SMARCA4: variants seen among roughly 807,000 people sequenced by gnomAD.
The protein encoded by SMARCA4 is SWI/SNF related BAF chromatin remodeling complex subunit ATPase 4.
A neutral mutation model predicts 193.9 loss-of-function variants in SMARCA4; 31 were observed. That is an observed-to-expected ratio of 0.16 (90% CI 0.12 to 0.22). The LOEUF is 0.22. SMARCA4 is among the 10% of genes least tolerant of loss of function. The probability of loss-of-function intolerance (pLI) is 1.00; values close to 1 mark genes in which losing one functional copy is unlikely to be tolerated. For synonymous variants in SMARCA4, 942 were observed against 933.1 expected (o/e 1.01, Z -0.17); for missense variants, 1,148 against 2,296.0 (o/e 0.50, Z 10.22).
intron 30 of SMARCA4, among the ~76,000 whole-genome samples, chr19:11,057,749 A>G (rs2076625835): frequency 6.6e-6 from 1 of 151,622 alleles, no homozygotes; most frequent in African/African-American, 2.4e-5. Flanking sequence ...AAAACAAAAA[A>G]ATGTATCACA....
In SMARCA4 at chr19:10,984,709, G is replaced by A. The variant is rs1047520400; in HGVS notation, c.222+336G>A. Reference sequence around the variant, plus strand: ...ATCCAAATTCCTAAAAAGGCTTTTAGCCACGTGGTTTCCCCCGTTCTGGCT... The same window carrying A: ...ATCCAAATTCCTAAAAAGGCTTTTAACCACGTGGTTTCCCCCGTTCTGGCT... On this transcript the variant is annotated intron_variant, in intron 2 of 34. Transcript: ENST00000344626. The surrounding 1 kb of genome is among the most constrained non-coding windows in gnomAD (Gnocchi z 4.3). 3.3e-5 allele frequency among the ~76,000 whole-genome samples: 5 copies of A among 152,238 alleles called. No individual in the cohort carries two copies. The highest frequency in any genetic ancestry group is 1.2e-4 in the African/African-American group (5 of 41,450).
At chr19:11,024,901 C>T (rs1350077997) in intron 21 of SMARCA4, among the ~76,000 whole-genome samples, 1 of 152,048 alleles carries the variant, frequency 6.6e-6, no homozygotes, top group Non-Finnish European at 1.5e-5. Flanking sequence ...CTGGCTTCCC[C>T]GAGACGTTGT....
rs750223511 is a variant in SMARCA4 at position 11,019,704 on chromosome 19, A to G, written c.2616+3A>G. On this transcript the variant is annotated splice_donor_region_variant and intron_variant, in intron 18 of 34. Coordinates refer to ENST00000344626, the MANE Select transcript of SMARCA4 (RefSeq NM_003072.5). The surrounding 1 kb of genome is among the most constrained non-coding windows in gnomAD (Gnocchi z 6.1). ...AAGACAAGCACATCCTCGCCAAGGT[A>G]ACGTGTCCCTGTGGGAAATGCCAGG... 2 of 1,604,906 alleles carry G rather than the reference A, an allele frequency of 1.2e-6. No individual in the cohort carries two copies. Among genetic ancestry groups the G allele is most frequent in the Non-Finnish European group, 1.7e-6 (2 of 1,172,136 alleles).
rs371142797 is a variant in SMARCA4, at chr19:11,010,336, G to A, written c.2124-45G>A. The stretch of plus-strand genomic sequence containing the variant: ...TGTCAGGAGCCAGCACATTGTCACA[G>A]ATAGGAATGTGTGTCCTTACCCGGC... On this transcript the variant is annotated intron_variant, in intron 14 of 34. Transcript: ENST00000344626. 3.3e-5 allele frequency: 53 copies of A among 1,607,790 alleles called. No homozygotes were observed. The East Asian group carries it at 7.1e-4, about 22-fold the overall frequency.
Position 11,033,174 on chromosome 19 carries a change from A to G in SMARCA4, c.3547-116A>G. 2.5e-6 allele frequency: 2 copies of G among 813,322 alleles called. No homozygotes were observed. Among genetic ancestry groups the G allele is most frequent in the South Asian group, 2.8e-5 (2 of 72,228 alleles). The allele number at this position is 813,322 out of a possible 1,614,324, so 50.4% of individuals were successfully genotyped here. On this transcript the variant is annotated intron_variant, in intron 25 of 34. Transcript: ENST00000344626. This position sits in a 1 kb window ranked among gnomAD's most constrained non-coding sequence, Gnocchi z 9.8. ...TGCGGCGGCAGGTCAGGCTGGGCAGAATTGTCAGGCCGAGGGTGGCACGCA... is the reference window on the plus strand; with the variant it reads ...TGCGGCGGCAGGTCAGGCTGGGCAGGATTGTCAGGCCGAGGGTGGCACGCA...
chr19:10,967,996 C>T (rs2084371447), intron 1 of SMARCA4, among the ~76,000 whole-genome samples: 1 of 152,072 alleles, frequency 6.6e-6, no homozygotes, highest in South Asian at 2.1e-4. Flanking sequence ...CCTGCCTCAG[C>T]CTCCCGAGTA....
intron 30 of SMARCA4, among the ~76,000 whole-genome samples, chr19:11,046,201 C>T (rs1311744687): frequency 9.4e-5 from 14 of 149,254 alleles, no homozygotes; most frequent in Non-Finnish European, 1.6e-4. Flanking sequence ...CCAGCCTGGG[C>T]GACAGAGCGA....
At chr19:11,049,013 C>T (rs1797962387) in intron 30 of SMARCA4, among the ~76,000 whole-genome samples, 1 of 152,148 alleles carries the variant, frequency 6.6e-6, no homozygotes, top group Non-Finnish European at 1.5e-5. Context: ...TCAGGGGCCA[C>T]AGTAGGAACA....
intron 30 of SMARCA4, among the ~76,000 whole-genome samples, chr19:11,057,081 C>T (rs961101031): frequency 5.9e-5 from 9 of 152,250 alleles, no homozygotes; most frequent in Admixed American, 6.5e-5. Flanking sequence ...CTCCTCCTTC[C>T]CATCAGGCCC....
chr19:11,042,967 C>T (rs188833707), intron 30 of SMARCA4, among the ~76,000 whole-genome samples: 27 of 152,084 alleles, frequency 1.8e-4, no homozygotes, highest in African/African-American at 3.4e-4. Flanking sequence ...CAGAGCAAGA[C>T]GCCCACTCCA....
chr19:11,019,450 G>T lies in SMARCA4; in HGVS notation c.2506-141G>T, dbSNP rs988108087. Reference sequence around the variant, plus strand: ...GGTCTGGGGACGCGCCAGCGGCCCTGCCAGCCCCTTTCCCCACTACCCCTG... The same window carrying T: ...GGTCTGGGGACGCGCCAGCGGCCCTTCCAGCCCCTTTCCCCACTACCCCTG... On this transcript the variant is annotated intron_variant, in intron 17 of 34. Transcript: ENST00000344626. This position sits in a 1 kb window ranked among gnomAD's most constrained non-coding sequence, Gnocchi z 6.1. 29 of 668,476 alleles carry T rather than the reference G, an allele frequency of 4.3e-5. No homozygotes were observed. Among genetic ancestry groups the T allele is most frequent in the Non-Finnish European group, 7.9e-5 (29 of 367,308 alleles). 41.4% of individuals were successfully genotyped at this position (668,476 alleles called of 1,614,324 possible).
At chr19:10,998,976 C>T (rs1019386935) in intron 11 of SMARCA4, among the ~76,000 whole-genome samples, 1 of 151,614 alleles carries the variant, frequency 6.6e-6, no homozygotes, top group East Asian at 1.9e-4. Flanking sequence ...AATCATGGCT[C>T]CCTGTAGTCT....
rs1193104842 is a variant in SMARCA4 at position 11,033,927 on chromosome 19, A to T, written c.3873+62A>T. On this transcript the variant is annotated intron_variant, in intron 27 of 34. Coordinates refer to ENST00000344626, the MANE Select transcript of SMARCA4 (RefSeq NM_003072.5). This position sits in a 1 kb window ranked among gnomAD's most constrained non-coding sequence, Gnocchi z 9.8. The stretch of plus-strand genomic sequence containing the variant: ...CCTCGGCTTCTCGGCTGAGACGGCC[A>T]GCAAGGGCCCTGGTCCCACGGAGCG... The T allele has an allele frequency of 2.6e-6, 2 of 758,510 alleles. No individual in the cohort carries two copies. Among genetic ancestry groups the T allele is most frequent in the African/African-American group, 3.4e-5 (2 of 58,816 alleles). 47.0% of individuals were successfully genotyped at this position (758,510 alleles called of 1,614,324 possible). A position where few individuals can be genotyped will look rare whatever the true frequency, so the allele number is the denominator to read the frequency against.
intron 1 of SMARCA4, among the ~76,000 whole-genome samples, chr19:10,981,747 T>G (rs1462993650): frequency 6.6e-6 from 1 of 151,672 alleles, no homozygotes; most frequent in Non-Finnish European, 1.5e-5. Flanking sequence ...AAGTCCAGGC[T>G]GGAGGATCCC....
At chr19:11,046,913 A>G (rs921917074) in intron 30 of SMARCA4, among the ~76,000 whole-genome samples, 1 of 146,270 alleles carries the variant, frequency 6.8e-6, no homozygotes, top group Non-Finnish European at 1.5e-5. Context: ...ACATCACTGC[A>G]CTCCACCATG....
Position 11,021,593 on chromosome 19 carries a change from C to G in SMARCA4, c.2617-132C>G, listed in dbSNP as rs1477085828. On this transcript the variant is annotated intron_variant, in intron 18 of 34. Transcript: ENST00000344626. Reference sequence around the variant, plus strand: ...GTCAGCCCCGGGGCAGGACGTCAGGCCTGTGCTCTCCACCCAGCTGCGCTC... The same window carrying G: ...GTCAGCCCCGGGGCAGGACGTCAGGGCTGTGCTCTCCACCCAGCTGCGCTC... 2.6e-6 allele frequency: 3 copies of G among 1,153,232 alleles called. No individual in the cohort carries two copies. In the African/African-American group the frequency reaches 4.6e-5, roughly 18 times the overall value. 71.4% of individuals were successfully genotyped at this position (1,153,232 alleles called of 1,614,324 possible).
At chr19:11,008,959 G>A (rs911332205) in intron 14 of SMARCA4, among the ~76,000 whole-genome samples, 2 of 146,314 alleles carry the variant, frequency 1.4e-5, no homozygotes, top group Non-Finnish European at 3.0e-5. Flanking sequence ...GGGCAACAGA[G>A]GGAGACTCCA....
Position 11,003,067 on chromosome 19 carries a change from G to T in SMARCA4, c.1851G>T (p.Val617=). The change falls in exon 12 of 35, where the codon GTG becomes GTT. Residue 617 remains valine (V), a synonymous_variant. Transcript: ENST00000344626. The stretch of plus-strand genomic sequence containing the variant: ...CCAGCCAGATGAGCGACCTCCCGGT[G>T]AAGGTGATCCACGTGGAGAGTGGGA... The part of the protein sequence containing the change: ...DETSQMSDLP[V]KVIHVESGKI... 1 of 1,614,184 alleles carries T rather than the reference G, an allele frequency of 6.2e-7. No homozygotes were observed. Among genetic ancestry groups the T allele is most frequent in the South Asian group, 1.1e-5 (1 of 91,092 alleles).
chr19:11,018,396 A>C, intron 16 of SMARCA4: 1 of 242,368 alleles, frequency 4.1e-6, no homozygotes, highest in South Asian at 5.5e-5. Context: ...AGCCCTGGTC[A>C]TCCCACAGGG....
Sources: gnomAD v4.1 joint callset for allele counts (sites outside exome capture counted in the v4.1 genomes callset) on GRCh38, gnomAD v4.1.1 for gene constraint, Gnocchi (gnomAD v3.1) non-coding constraint, MANE v1.5 for transcripts, NCBI Gene and HGNC (gene_info 2026-07-23, HGNC 2026-07-21) for gene names.